Variants in NAV3 observed in about 807,000 individuals in gnomAD.
The protein encoded by NAV3 is pore membrane and/or filament interacting like protein 1.
Under a neutral mutation model 244.7 loss-of-function variants are expected in NAV3, and 87 were observed. That is an observed-to-expected ratio of 0.36 (90% CI 0.30 to 0.42). The LOEUF (loss-of-function observed/expected upper bound fraction) is 0.42, where lower values mean the gene tolerates loss of function less well. Ranked by LOEUF, NAV3 falls within the 20% of genes least tolerant of loss-of-function variation. The pLI is 1.00. For missense variants in NAV3, 2,663 were observed against 2,893.3 expected (o/e 0.92, Z 1.83); for synonymous variants, 1,126 against 1,042.2 (o/e 1.08, Z -1.55).
chr12:78,076,795 A>G (rs1233795873), intron 12 of NAV3, among the ~76,000 whole-genome samples: 1 of 152,190 alleles, frequency 6.6e-6, no homozygotes, highest in African/African-American at 2.4e-5. Flanking sequence ...GAAATTCTAT[A>G]GAAGCCATAT....
intron 2 of NAV3, among the ~76,000 whole-genome samples, chr12:77,759,723 TTAAA>T (rs1869367694): frequency 2.6e-5 from 4 of 152,112 alleles, no homozygotes; most frequent in Admixed American, 2.6e-4. Flanking sequence ...TGTGCAAGTG[TTAAA>T]TAAAGTTGCT....
intron 2 of NAV3, among the ~76,000 whole-genome samples, chr12:77,767,813 C>CT (rs1490634250): frequency 6.6e-6 from 1 of 152,208 alleles, no homozygotes; most frequent in Non-Finnish European, 1.5e-5. Flanking sequence ...GGCTGCAACT[C>CT]TTTTTTCCTT....
Position 78,190,081 on chromosome 12 carries a change from A to G in NAV3, c.6153A>G (p.Arg2051=), listed in dbSNP as rs1483176301. 1 of 1,613,256 alleles carries G rather than the reference A, an allele frequency of 6.2e-7. No homozygotes were observed. Among genetic ancestry groups the G allele is most frequent in the South Asian group, 1.1e-5 (1 of 91,064 alleles). The change falls in exon 34 of 40, where the codon AGA becomes AGG. Residue 2051 remains arginine, a synonymous_variant. Transcript: ENST00000397909. ...RYFNLLMEHH[R]IILSGPSGTG... ...TTAACTTGTTGATGGAGCATCACAG[A>G]ATTATACTCTCAGGACCGAGTGGTA... is the stretch of plus-strand genomic sequence containing the variant.
At chr12:78,064,395 G>GTGTCTGTCTGTCTGTCTGTCTGTC (rs3054540) in intron 12 of NAV3, among the ~76,000 whole-genome samples, 1 of 139,954 alleles carries the variant, frequency 7.1e-6, no homozygotes, top group African/African-American at 2.7e-5. Context: ...CTATCTATCT[G>GTGTCTGTCTGTCTGTCTGTCTGTC]TGTCTGTCTG....
chr12:77,966,363 A>G, intron 4 of NAV3, 62 bp downstream of exon 4: 1 of 1,351,780 alleles, frequency 7.4e-7, no homozygotes, highest in South Asian at 1.3e-5. Flanking sequence ...TATTTTTTAT[A>G]ATGTAAGAAA....
In NAV3 at chr12:78,051,054, A is replaced by T. The variant is rs774322163; in HGVS notation, c.2423A>T (p.Asp808Val). Residue 808 changes from aspartate (D) to valine (V), a missense_variant, in exon 11 of 40, where the codon GAC becomes GTC. Transcript: ENST00000397909. ...QIDMSEKASS[D>V]LDMSSEVDVG... ...GACATGAGTGAGAAAGCAAGCAGTG[A>T]CCTGGACATGTCTTCTGAGGTCGAT... is the stretch of plus-strand genomic sequence containing the variant. 2 of 1,614,144 alleles carry T rather than the reference A, an allele frequency of 1.2e-6. No individual in the cohort carries two copies.
intron 31 of NAV3, among the ~76,000 whole-genome samples, chr12:78,186,576 C>A (rs559952330): frequency 3.3e-5 from 5 of 151,770 alleles, no homozygotes; most frequent in Non-Finnish European, 4.4e-5. Flanking sequence ...TTAAAAGCAG[C>A]TTTTTATAAG....
At chr12:77,827,119 G>A (rs1182303328), upstream of NAV3, among the ~76,000 whole-genome samples, 1 of 151,644 alleles carries the variant, frequency 6.6e-6, no homozygotes, top group Non-Finnish European at 1.5e-5. Flanking sequence ...TGTAATCCCA[G>A]CTGCTTGGGA....
At chr12:77,640,709 A>G (rs761197933) in intron 2 of NAV3, among the ~76,000 whole-genome samples, 22 of 152,174 alleles carry the variant, frequency 1.4e-4, no homozygotes, top group Non-Finnish European at 2.1e-4. Flanking sequence ...TATCACACAT[A>G]TAAAATGTAG....
At chr12:78,036,014 C>CG (rs1427234750) in intron 9 of NAV3, among the ~76,000 whole-genome samples, 2 of 151,984 alleles carry the variant, frequency 1.3e-5, no homozygotes. Flanking sequence ...TTCTCGGCAT[C>CG]GGGGAGTGTG....
intron 1 of NAV3, among the ~76,000 whole-genome samples, chr12:77,845,908 C>T (rs911278040): frequency 4.6e-5 from 7 of 152,120 alleles, no homozygotes; most frequent in African/African-American, 1.4e-4. Context: ...CCACCTCAAC[C>T]TCCCAAAGTG....
chr12:77,983,082 G>A (rs150624609), intron 5 of NAV3, among the ~76,000 whole-genome samples: 1,811 of 152,268 alleles, frequency 0.012, 25 homozygotes, highest in Non-Finnish European at 0.02. Flanking sequence ...GGAGAAATAG[G>A]CAGAGGTCAG....
intron 2 of NAV3, among the ~76,000 whole-genome samples, chr12:77,734,507 C>T (rs1877256667): frequency 6.6e-6 from 1 of 152,022 alleles, no homozygotes; most frequent in Non-Finnish European, 1.5e-5. Context: ...GCTGATGACC[C>T]TTATAGAAGT....
intron 2 of NAV3, among the ~76,000 whole-genome samples, chr12:77,639,122 TG>T (rs1157142803): frequency 6.6e-6 from 1 of 152,204 alleles, no homozygotes; most frequent in Non-Finnish European, 1.5e-5. Flanking sequence ...AGATTATGTT[TG>T]GGGTAGCTGG....
In NAV3 at chr12:77,903,631, A is replaced by G. The variant is rs569807581; in HGVS notation, c.244-36688A>G. On this transcript the variant is annotated intron_variant, in intron 1 of 39. Coordinates refer to ENST00000397909, the MANE Select transcript of NAV3 (RefSeq NM_001024383.2). ...ACCAAAAGCAATGGCAACAAAAGCC[A>G]AAATTGACAAATGGGACCTAATTAA... Among the ~76,000 whole-genome samples the G allele has an allele frequency of 5.3e-5, 8 of 152,372 alleles. No individual in the cohort carries two copies. The South Asian group carries it at 1.7e-3, about 32-fold the overall frequency.
chr12:77,854,915 C>T (rs1225971927), intron 1 of NAV3, among the ~76,000 whole-genome samples: 1 of 152,092 alleles, frequency 6.6e-6, no homozygotes, highest in Non-Finnish European at 1.5e-5. Flanking sequence ...ATCACGAGGT[C>T]AGGAGATTGA....
intron 2 of NAV3, among the ~76,000 whole-genome samples, chr12:77,590,596 T>C (rs956218727): frequency 2.6e-5 from 4 of 152,140 alleles, no homozygotes; most frequent in African/African-American, 9.7e-5. Context: ...AAGTAATCCG[T>C]ACAACAAATC....
intron 12 of NAV3, among the ~76,000 whole-genome samples, chr12:78,078,872 A>C (rs1953205027): frequency 6.6e-6 from 1 of 152,220 alleles, no homozygotes; most frequent in Admixed American, 6.5e-5. Flanking sequence ...AATCATCTGA[A>C]TACTTAACCA....
chr12:78,176,977 G>A (rs865950715), intron 26 of NAV3, among the ~76,000 whole-genome samples, 164 bp from the exon 27 acceptor site: 2 of 151,904 alleles, frequency 1.3e-5, no homozygotes, highest in South Asian at 2.1e-4. Context: ...CACAAAACAC[G>A]GTATCATTTT....
Sources: allele counts gnomAD v4.1 joint callset (sites outside exome capture counted in the v4.1 genomes callset), GRCh38; gene constraint gnomAD v4.1.1; transcripts MANE v1.5; gene names NCBI Gene and HGNC (gene_info 2026-07-23, HGNC 2026-07-21).